PTER: variants seen among roughly 807,000 people sequenced by gnomAD.
The protein encoded by PTER is N-acetyltaurine hydrolase.
PTER carries 38 observed loss-of-function variants against 29.6 expected under a neutral mutation model. That is an observed-to-expected ratio of 1.28 (90% confidence interval 0.99 to 1.68). The LOEUF (loss-of-function observed/expected upper bound fraction) is 1.68. Among genes scored for constraint, PTER ranks in the 40% most tolerant of loss-of-function variants. The pLI, the probability that PTER is intolerant of heterozygous loss-of-function variation, is 0.00. For missense variants in PTER, 482 were observed against 427.8 expected (o/e 1.13, Z -1.12); for synonymous variants, 172 against 154.5 (o/e 1.11, Z -0.84).
intron 3 of PTER, among the ~76,000 whole-genome samples, chr10:16,500,988 G>A (rs1423024231): frequency 3.3e-5 from 5 of 152,138 alleles, no homozygotes; most frequent in Non-Finnish European, 5.9e-5. Flanking sequence ...CTGGAGTACA[G>A]TGGCACGATC....
intron 3 of PTER, among the ~76,000 whole-genome samples, chr10:16,495,168 CTTTTTTTT>C (rs3047217): frequency 7.5e-4 from 99 of 132,186 alleles, no homozygotes; most frequent in Admixed American, 4.7e-3. Context: ...TTTGGAATTA[CTTTTTTTT>C]TTTTTTTTTT....
intron 1 of PTER, among the ~76,000 whole-genome samples, chr10:16,481,353 T>A (rs1835473573): frequency 6.6e-6 from 1 of 152,174 alleles, no homozygotes; most frequent in South Asian, 2.1e-4. Context: ...AACTCTCTTC[T>A]CTATGGGGGA....
rs1836886069 is a variant in PTER, at chr10:16,513,395, A to G, written c.*2139A>G. 6.6e-6 allele frequency: 1 copy of G among 152,548 alleles called. No homozygotes were observed. Among genetic ancestry groups the G allele is most frequent in the Non-Finnish European group, 1.5e-5 (1 of 67,970 alleles). 9.4% of individuals were successfully genotyped at this position (152,548 alleles called of 1,614,324 possible). ...ACTGTGCCCTGTGGAATAAAGCCAT[A>G]TATATAAATGTTTTATATGTATATG... On this transcript the variant is annotated 3_prime_UTR_variant, in exon 5 of 5. Coordinates refer to ENST00000535784, the MANE Select transcript of PTER (RefSeq NM_001261836.2).
chr10:16,476,923 T>TA (rs1835290717), intron 1 of PTER, among the ~76,000 whole-genome samples: 1 of 145,742 alleles, frequency 6.9e-6, no homozygotes, highest in African/African-American at 2.6e-5. Flanking sequence ...TTTTTTTTTT[T>TA]GAGACAGGGT....
intron 1 of PTER, among the ~76,000 whole-genome samples, chr10:16,466,331 G>T (rs1030225611): frequency 1.3e-5 from 2 of 150,348 alleles, no homozygotes; most frequent in African/African-American, 4.9e-5. Flanking sequence ...AACAGGCTAG[G>T]TTAGACCATC....
At chr10:16,460,138 A>T (rs1834559026) in intron 1 of PTER, among the ~76,000 whole-genome samples, 1 of 152,240 alleles carries the variant, frequency 6.6e-6, no homozygotes, top group Non-Finnish European at 1.5e-5. Flanking sequence ...TAGGAAAAGG[A>T]AAGCACACTG....
chr10:16,486,197 A>T (rs1835687803), intron 2 of PTER, among the ~76,000 whole-genome samples, 155 bp from the exon 3 acceptor site: 1 of 152,212 alleles, frequency 6.6e-6, no homozygotes, highest in South Asian at 2.1e-4. Context: ...GGCCAGCAAA[A>T]TGCCTTTTTC....
At chr10:16,498,951 G>A (rs753946047) in intron 3 of PTER, among the ~76,000 whole-genome samples, 4 of 152,158 alleles carry the variant, frequency 2.6e-5, no homozygotes, top group South Asian at 2.1e-4. Flanking sequence ...ATGTCACTAC[G>A]ATGGTGAGTG....
At chr10:16,468,129 G>T (rs1834908074) in intron 1 of PTER, among the ~76,000 whole-genome samples, 2 of 152,254 alleles carry the variant, frequency 1.3e-5, no homozygotes, top group African/African-American at 4.8e-5. Flanking sequence ...ATCACTTTAG[G>T]TCAGGAGTTT....
At chr10:16,499,377 A>G (rs1192494455) in intron 3 of PTER, among the ~76,000 whole-genome samples, 2 of 152,088 alleles carry the variant, frequency 1.3e-5, no homozygotes, top group Non-Finnish European at 2.9e-5. Context: ...TGCTTTGTCA[A>G]TAAGAAGAAT....
At chr10:16,468,062 C>T (rs1834904972) in intron 1 of PTER, among the ~76,000 whole-genome samples, 1 of 152,146 alleles carries the variant, frequency 6.6e-6, no homozygotes, top group Non-Finnish European at 1.5e-5. Flanking sequence ...AAGAAAATGG[C>T]CAGGCATGGT....
At chr10:16,479,071 C>T (rs1227285246) in intron 1 of PTER, among the ~76,000 whole-genome samples, 1 of 151,540 alleles carries the variant, frequency 6.6e-6, no homozygotes, top group East Asian at 1.9e-4. Context: ...TTTCTTCTTA[C>T]ATTCTTAGTC....
chr10:16,504,216 A>G lies in PTER; in HGVS notation c.699-804A>G, dbSNP rs567052522. On this transcript the variant is annotated intron_variant, in intron 3 of 4. Coordinates refer to ENST00000535784, the MANE Select transcript of PTER (RefSeq NM_001261836.2). ...CTTAGTGCATCTCTTTTTACTTGTT[A>G]TAATGCAAATTTCTTGATATAATCT... Among the ~76,000 whole-genome samples, 151 of 151,898 alleles carry G rather than the reference A, an allele frequency of 9.9e-4. 1 individual carries two copies. Among genetic ancestry groups the G allele is most frequent in the African/African-American group, 3.4e-3 (139 of 41,410 alleles).
chr10:16,464,550 G>C (rs781494188), intron 1 of PTER, among the ~76,000 whole-genome samples: 1 of 152,064 alleles, frequency 6.6e-6, no homozygotes, highest in Non-Finnish European at 1.5e-5. Flanking sequence ...CTTAATGATC[G>C]CCCTTATGTA....
chr10:16,448,589 A>C (rs935974629), intron 1 of PTER, among the ~76,000 whole-genome samples: 1 of 152,174 alleles, frequency 6.6e-6, no homozygotes, highest in African/African-American at 2.4e-5. Context: ...CCTGAATTTT[A>C]GTCGGATTTA....
downstream of PTER, among the ~76,000 whole-genome samples, chr10:16,515,824 A>G (rs1407500982): frequency 6.6e-6 from 1 of 152,150 alleles, no homozygotes; most frequent in Non-Finnish European, 1.5e-5. Context: ...CACTATAATG[A>G]TATTTCCCTG....
rs181323268 is a variant in PTER at position 16,441,626 on chromosome 10, C to G, written c.-49+4579C>G. ...CCTAGAGGTTAACAATCAAAGTTCT[C>G]CCCTTATTATAGTCAGGCGAGTGAT... On this transcript the variant is annotated intron_variant, in intron 1 of 4. Coordinates refer to ENST00000535784, the MANE Select transcript of PTER (RefSeq NM_001261836.2). Among the ~76,000 whole-genome samples, 120 of 152,284 alleles carry G rather than the reference C, an allele frequency of 7.9e-4. 1 individual carries two copies. The highest frequency in any genetic ancestry group is 1.4e-3 in the Non-Finnish European group (93 of 68,034).
In PTER at chr10:16,511,376, G is replaced by A; in HGVS notation, c.*120G>A. 1.1e-6 allele frequency: 1 copy of A among 935,240 alleles called. No homozygotes were observed. The highest frequency in any genetic ancestry group is 1.7e-6 in the Non-Finnish European group (1 of 604,772). The allele number at this position is 935,240 out of a possible 1,614,324, so 57.9% of individuals were successfully genotyped here. A position where few individuals can be genotyped will look rare whatever the true frequency, so the allele number is the denominator to read the frequency against. On this transcript the variant is annotated 3_prime_UTR_variant, in exon 5 of 5. Coordinates refer to ENST00000535784, the MANE Select transcript of PTER (RefSeq NM_001261836.2). The stretch of plus-strand genomic sequence containing the variant: ...GACTAATGACAGATCATTTCCTTCT[G>A]ATGAGAACTAGGAGGGTTTGCCTTC...
chr10:16,515,617 T>C (rs985377344), downstream of PTER, among the ~76,000 whole-genome samples: 8 of 152,200 alleles, frequency 5.3e-5, no homozygotes, highest in African/African-American at 1.7e-4. Flanking sequence ...AGTGAGTTGA[T>C]AGACATTTAC....
Sources: allele counts gnomAD v4.1 joint callset (sites outside exome capture counted in the v4.1 genomes callset), GRCh38; gene constraint gnomAD v4.1.1; transcripts MANE v1.5; gene names NCBI Gene and HGNC (gene_info 2026-07-23, HGNC 2026-07-21).